The following TRIM54 variants were observed in gnomAD, a reference collection of about 807,000 sequenced individuals.
TRIM54 encodes the protein tripartite motif-containing protein 54.
In TRIM54, 40 loss-of-function variants were observed where a neutral mutation model predicts 42.0. The ratio of observed to expected loss-of-function variants is 0.95; its 90% CI spans 0.74 to 1.24. TRIM54 has a LOEUF of 1.24. Ranked by LOEUF, TRIM54 falls within the 50% of genes most tolerant of loss-of-function variation. The pLI, the probability that TRIM54 is intolerant of heterozygous loss-of-function variation, is 0.00. For missense variants in TRIM54, 485 were observed against 480.3 expected, an observed-to-expected ratio of 1.01 and a Z score of -0.09; for synonymous variants, 199 against 194.9, an observed-to-expected ratio of 1.02 and a Z score of -0.17.
chr2:27,306,360 G>T lies in TRIM54; in HGVS notation c.991+23G>T, dbSNP rs370033022. 2 of 1,613,994 alleles carry T rather than the reference G, an allele frequency of 1.2e-6. No homozygotes were observed. Among genetic ancestry groups the T allele is most frequent in the South Asian group, 2.2e-5 (2 of 91,080 alleles). Reference sequence around the variant, plus strand: ...CAGGTGAAGGAGGTGGCCGAGGGCCGCTGAGACGGGTTCGGACCCTCTGTG... The same window carrying T: ...CAGGTGAAGGAGGTGGCCGAGGGCCTCTGAGACGGGTTCGGACCCTCTGTG... On this transcript the variant is annotated intron_variant, in intron 7 of 8. Coordinates refer to ENST00000380075, the MANE Select transcript of TRIM54 (RefSeq NM_187841.3). This position sits in a 1 kb window ranked among gnomAD's most constrained non-coding sequence, Gnocchi z 6.1.
At chr2:27,301,065 T>C (rs914996032) in intron 3 of TRIM54, among the ~76,000 whole-genome samples, 10 of 151,354 alleles carry the variant, frequency 6.6e-5, no homozygotes, top group Non-Finnish European at 1.0e-4. Context: ...GCAAGTTTAT[T>C]AGGAAAGTAA....
At position 27,307,265 on chromosome 2, in the gene TRIM54, T is replaced by A; in HGVS notation, c.*380T>A. 1.7e-6 allele frequency: 1 copy of A among 586,394 alleles called. No homozygotes were observed. Among genetic ancestry groups the A allele is most frequent in the Non-Finnish European group, 2.9e-6 (1 of 340,106 alleles). 36.3% of individuals were successfully genotyped at this position (586,394 alleles called of 1,614,324 possible). On this transcript the variant is annotated 3_prime_UTR_variant, in exon 9 of 9. Coordinates refer to ENST00000380075, the MANE Select transcript of TRIM54 (RefSeq NM_187841.3). This position sits in a 1 kb window ranked among gnomAD's most constrained non-coding sequence, Gnocchi z 6.9. ...GGGACCCTTGGGGTCCACATGCACC[T>A]GGCTGACCTGGCTGAAAGCCGCTGT...
chr2:27,304,261 GATATAT>G (rs1183021690), intron 3 of TRIM54, among the ~76,000 whole-genome samples: 1 of 136,690 alleles, frequency 7.3e-6, no homozygotes, highest in African/African-American at 2.7e-5. Context: ...TAGATATACA[GATATAT>G]ATATATATAT....
At chr2:27,285,612 C>T (rs945193569) in intron 1 of TRIM54, among the ~76,000 whole-genome samples, 5 of 152,164 alleles carry the variant, frequency 3.3e-5, no homozygotes, top group Admixed American at 2.0e-4. Context: ...TTCCACAAAT[C>T]GGCACATTTG....
intron 1 of TRIM54, among the ~76,000 whole-genome samples, chr2:27,296,679 A>G (rs1283206890): frequency 2.0e-5 from 3 of 152,226 alleles, no homozygotes; most frequent in Non-Finnish European, 4.4e-5. Context: ...CCTACAAATT[A>G]CACAAAACAT....
At chr2:27,290,100 G>A (rs1572519716) in intron 1 of TRIM54, among the ~76,000 whole-genome samples, 1 of 151,608 alleles carries the variant, frequency 6.6e-6, no homozygotes. Context: ...TCAAACTCCT[G>A]ACCTCAAGTG....
chr2:27,298,977 A>G (rs894706620), intron 2 of TRIM54, among the ~76,000 whole-genome samples: 20 of 152,150 alleles, frequency 1.3e-4, no homozygotes, highest in Non-Finnish European at 2.8e-4. Context: ...GTCCACCAGC[A>G]AGATCCTCGC....
chr2:27,289,035 A>G (rs1056520813), intron 1 of TRIM54, among the ~76,000 whole-genome samples: 2 of 152,230 alleles, frequency 1.3e-5, no homozygotes, highest in Admixed American at 1.3e-4. Context: ...AAAGATCTTT[A>G]GCCTAATGTA....
At position 27,306,634 on chromosome 2, in the gene TRIM54, A is replaced by T; in HGVS notation, c.*1+92A>T. 1.6e-6 allele frequency: 2 copies of T among 1,287,766 alleles called. No individual in the cohort carries two copies. The highest frequency in any genetic ancestry group is 2.1e-6 in the Non-Finnish European group (2 of 950,500). 79.8% of individuals were successfully genotyped at this position (1,287,766 alleles called of 1,614,324 possible). ...TGTGCTCGCGTCCCCTCCCCCAGTG[A>T]TTGCCCTCCCTGCGGGTAGCGTGGA... is the stretch of plus-strand genomic sequence containing the variant. On this transcript the variant is annotated intron_variant, in intron 8 of 8. Transcript: ENST00000380075. This position sits in a 1 kb window ranked among gnomAD's most constrained non-coding sequence, Gnocchi z 6.1.
At position 27,299,271 on chromosome 2, in the gene TRIM54, A is replaced by C; in HGVS notation, c.368A>C (p.His123Pro). ...SRPLHSKAEQ[H>P]LMCEEHEEEK... ...CCGCTGCACTCCAAGGCTGAGCAGC[A>C]CCTCATGTGCGAGGAGCATGAAGAA... Residue 123 changes from histidine to proline, a missense_variant, in exon 3 of 9, where the codon CAC (histidine) becomes CCC (proline). Coordinates refer to ENST00000380075, the MANE Select transcript of TRIM54 (RefSeq NM_187841.3). 1 of 1,614,104 alleles carries C rather than the reference A, an allele frequency of 6.2e-7. No individual in the cohort carries two copies. Among genetic ancestry groups the C allele is most frequent in the South Asian group, 1.1e-5 (1 of 91,084 alleles).
chr2:27,305,342 T>C, intron 4 of TRIM54: 1 of 585,928 alleles, frequency 1.7e-6, no homozygotes. Flanking sequence ...TTTTTGAGAA[T>C]TAAATGGAAT....
Position 27,283,770 on chromosome 2 carries a change from A to G in TRIM54, c.168+871A>G, listed in dbSNP as rs1457153997. Among the ~76,000 whole-genome samples the G allele has an allele frequency of 6.8e-3, 679 of 100,482 alleles. 7 individuals carry two copies. Among genetic ancestry groups the G allele is most frequent in the African/African-American group, 0.031 (647 of 20,722 alleles). 65.9% of individuals were successfully genotyped at this position (100,482 alleles called of 152,430 possible). A position where few individuals can be genotyped will look rare whatever the true frequency, so the allele number is the denominator to read the frequency against. ...GGGAGAGTGAGGGGCAAAGGCACAC[A>G]CACACACACGCGCGCACACACACAC... is the stretch of plus-strand genomic sequence containing the variant. On this transcript the variant is annotated intron_variant, in intron 1 of 8. Coordinates refer to ENST00000380075, the MANE Select transcript of TRIM54 (RefSeq NM_187841.3).
rs532957683 is a variant in TRIM54 at position 27,307,097 on chromosome 2, G to C, written c.*212G>C. 4.1e-6 allele frequency: 1 copy of C among 245,680 alleles called. No homozygotes were observed. Among genetic ancestry groups the C allele is most frequent in the African/African-American group, 2.3e-5 (1 of 43,000 alleles). The allele number at this position is 245,680 out of a possible 1,614,324, so 15.2% of individuals were successfully genotyped here. On this transcript the variant is annotated 3_prime_UTR_variant, in exon 9 of 9. Transcript: ENST00000380075. This position sits in a 1 kb window ranked among gnomAD's most constrained non-coding sequence, Gnocchi z 6.9. ...CACCATCCTGCCCTTCCCAGAACCT[G>C]AGACCGTCTGGGGGGCGGAAGCCAA...
chr2:27,305,909 C>T (rs1679188746), intron 5 of TRIM54, 92 bp downstream of exon 5: 1 of 1,365,058 alleles, frequency 7.3e-7, no homozygotes, highest in Admixed American at 2.1e-5. Context: ...GTCTCTTGCA[C>T]CTGCTTGCCC....
chr2:27,288,402 C>A (rs146082149), intron 1 of TRIM54, among the ~76,000 whole-genome samples: 1 of 152,326 alleles, frequency 6.6e-6, no homozygotes, highest in East Asian at 1.9e-4. Context: ...TGGAACATTT[C>A]TATTAGATGC....
intron 1 of TRIM54, among the ~76,000 whole-genome samples, chr2:27,285,737 T>C (rs1486643934): frequency 6.6e-6 from 1 of 152,230 alleles, no homozygotes; most frequent in East Asian, 1.9e-4. Context: ...CGTTTTTAAA[T>C]AGCTGTGTAG....
At position 27,306,384 on chromosome 2, in the gene TRIM54, T is replaced by C; in HGVS notation, c.991+47T>C. On this transcript the variant is annotated intron_variant, in intron 7 of 8. Coordinates refer to ENST00000380075, the MANE Select transcript of TRIM54 (RefSeq NM_187841.3). The surrounding 1 kb of genome is among the most constrained non-coding windows in gnomAD (Gnocchi z 6.1). ...CGCTGAGACGGGTTCGGACCCTCTG[T>C]GTGGGGGGTGCGGCGGGCACGATGG... is the stretch of plus-strand genomic sequence containing the variant. The C allele has an allele frequency of 6.2e-7, 1 of 1,613,584 alleles. No homozygotes were observed. Among genetic ancestry groups the C allele is most frequent in the African/African-American group, 1.3e-5 (1 of 75,024 alleles).
Position 27,283,776 on chromosome 2 carries a change from A to ACG in TRIM54, c.168+878_168+879insGC, listed in dbSNP as rs1332749926. 1.2e-3 allele frequency among the ~76,000 whole-genome samples: 124 copies of ACG among 105,454 alleles called. 1 individual carries two copies. The highest frequency in any genetic ancestry group is 5.0e-3 in the African/African-American group (122 of 24,334). 69.2% of individuals were successfully genotyped at this position (105,454 alleles called of 152,430 possible). The stretch of plus-strand genomic sequence containing the variant: ...GTGAGGGGCAAAGGCACACACACAC[A>ACG]CACGCGCGCACACACACACACACAC... On this transcript the variant is annotated intron_variant, in intron 1 of 8. Coordinates refer to ENST00000380075, the MANE Select transcript of TRIM54 (RefSeq NM_187841.3).
Position 27,305,007 on chromosome 2 carries a change from G to T in TRIM54, c.562G>T (p.Val188Leu), listed in dbSNP as rs149751051. 124 of 1,614,088 alleles carry T rather than the reference G, an allele frequency of 7.7e-5. 1 individual carries two copies. In the South Asian group the frequency reaches 1.3e-3, roughly 17 times the overall value. Reference sequence around the variant, plus strand: ...GATGCTGGTGGCAGGCAATGACCGCGTGCAAGCAGTGATCACACAGATGGA... The same window carrying T: ...GATGCTGGTGGCAGGCAATGACCGCTTGCAAGCAGTGATCACACAGATGGA... ...IAMLVAGNDR[V>L]QAVITQMEEV... The change falls in exon 4 of 9, where the codon GTG becomes TTG. Residue 188 changes from valine (V) to leucine (L), a missense_variant. Val to Leu is a conservative substitution (Grantham distance 32). Transcript: ENST00000380075.
Sources: allele counts gnomAD v4.1 joint callset (sites outside exome capture counted in the v4.1 genomes callset), GRCh38; gene constraint gnomAD v4.1.1; non-coding constraint Gnocchi (gnomAD v3.1); transcripts MANE v1.5; gene names NCBI Gene and HGNC (gene_info 2026-07-23, HGNC 2026-07-21).